The following ANO10 variants were observed in gnomAD, a reference collection of about 807,000 sequenced individuals.
ANO10 encodes the protein anoctamin 10, also known as anoctamin-10.
ANO10 carries 77 observed loss-of-function variants against 74.7 expected under a neutral mutation model. That is an observed-to-expected ratio of 1.03 (90% CI 0.86 to 1.25). The LOEUF is 1.25. ANO10 is among the 50% of genes most tolerant of loss of function. The pLI is 0.00. For missense variants in ANO10, 721 were observed against 778.1 expected (o/e 0.93, Z 0.87); for synonymous variants, 279 against 284.9 (o/e 0.98, Z 0.21).
chr3:43,590,297 T>A (rs1416405743), intron 4 of ANO10, among the ~76,000 whole-genome samples: 1 of 152,094 alleles, frequency 6.6e-6, no homozygotes, highest in African/African-American at 2.4e-5. Flanking sequence ...AAAATAATAA[T>A]TTATCCTAAG....
intron 1 of ANO10, among the ~76,000 whole-genome samples, chr3:43,617,014 T>C (rs530469581): frequency 1.3e-5 from 2 of 151,674 alleles, no homozygotes; most frequent in Admixed American, 1.3e-4. Flanking sequence ...CTCTCTTCTC[T>C]AATTAGCTGG....
At chr3:43,412,052 TTATA>T (rs1398250383) in intron 12 of ANO10, among the ~76,000 whole-genome samples, 1 of 148,010 alleles carries the variant, frequency 6.8e-6, no homozygotes, top group East Asian at 1.9e-4. Flanking sequence ...TGTAAATATA[TTATA>T]TATATGTATA....
chr3:43,598,399 A>G, intron 4 of ANO10, 133 bp downstream of exon 4: 1 of 878,644 alleles, frequency 1.1e-6, no homozygotes, highest in Non-Finnish European at 1.7e-6. Context: ...GAGGTTCCAA[A>G]GGGAAAAGAT....
chr3:43,409,652 C>T (rs535219463), intron 12 of ANO10, among the ~76,000 whole-genome samples: 2 of 152,290 alleles, frequency 1.3e-5, no homozygotes, highest in East Asian at 3.9e-4. Flanking sequence ...ATATAAAATA[C>T]AGTTCATGTT....
intron 11 of ANO10, among the ~76,000 whole-genome samples, chr3:43,502,942 G>T (rs2077152925): frequency 6.6e-6 from 1 of 152,090 alleles, no homozygotes; most frequent in African/African-American, 2.4e-5. Flanking sequence ...GGGATAATAG[G>T]GAGTTATTGT....
chr3:43,666,275 A>G (rs1364760694), intron 1 of ANO10, among the ~76,000 whole-genome samples: 1 of 152,186 alleles, frequency 6.6e-6, no homozygotes, highest in African/African-American at 2.4e-5. Flanking sequence ...AATTACAGTG[A>G]TGATTCAAAC....
rs140301420 is a variant in ANO10 at position 43,594,379 on chromosome 3, A to T, written c.472+4153T>A. Among the ~76,000 whole-genome samples, 1,371 of 152,312 alleles carry T rather than the reference A, an allele frequency of 9.0e-3. 15 individuals are homozygous for T. The highest frequency in any genetic ancestry group is 0.014 in the Middle Eastern group (4 of 292). ...GTCGGAAGTAAAGTACTCCTCAGCA[A>T]ATGAAAAAGAACAGAAATTATAAAA... On this transcript the variant is annotated intron_variant, in intron 4 of 12. Coordinates refer to ENST00000292246, the MANE Select transcript of ANO10 (RefSeq NM_018075.5).
chr3:43,403,985 C>G (rs749804093), intron 12 of ANO10, among the ~76,000 whole-genome samples: 34 of 152,216 alleles, frequency 2.2e-4, no homozygotes, highest in Non-Finnish European at 3.8e-4. Context: ...TTCTCATCAA[C>G]AGCATGTAGA....
chr3:43,646,268 G>A (rs1434172615), intron 1 of ANO10, among the ~76,000 whole-genome samples: 1 of 152,204 alleles, frequency 6.6e-6, no homozygotes, highest in Non-Finnish European at 1.5e-5. Flanking sequence ...GATTCGAGGA[G>A]TTCTAATTCC....
chr3:43,570,749 AT>A (rs1348392426), intron 7 of ANO10, among the ~76,000 whole-genome samples: 1 of 144,322 alleles, frequency 6.9e-6, no homozygotes, highest in African/African-American at 2.6e-5. Context: ...AAACCTAGGC[AT>A]TACCATTCAG....
At chr3:43,643,678 C>CTTTTTTTTTTT (rs1310556861) in intron 1 of ANO10, among the ~76,000 whole-genome samples, 4 of 133,624 alleles carry the variant, frequency 3.0e-5, no homozygotes, top group African/African-American at 9.3e-5. Context: ...TTGTCCTCAT[C>CTTTTTTTTTTT]TTTTCTTTTT....
intron 11 of ANO10, among the ~76,000 whole-genome samples, chr3:43,526,972 TAC>T (rs1296401875): frequency 6.6e-6 from 1 of 151,770 alleles, no homozygotes; most frequent in African/African-American, 2.4e-5. Context: ...TACATATATA[TAC>T]ACACACACAT....
intron 11 of ANO10, among the ~76,000 whole-genome samples, chr3:43,436,783 T>C (rs2093074429): frequency 6.6e-6 from 1 of 152,206 alleles, no homozygotes; most frequent in Admixed American, 6.5e-5. Flanking sequence ...CATTTTATTT[T>C]GCAAAAACTA....
At chr3:43,560,568 T>C (rs2079980439) in intron 9 of ANO10, among the ~76,000 whole-genome samples, 1 of 152,148 alleles carries the variant, frequency 6.6e-6, no homozygotes, top group Non-Finnish European at 1.5e-5. Context: ...TGCAGGATGT[T>C]AAGAAACAAT....
intron 6 of ANO10, 72 bp from the exon 7 acceptor site, chr3:43,574,936 G>A: frequency 8.0e-7 from 1 of 1,255,690 alleles, no homozygotes; most frequent in Non-Finnish European, 1.2e-6. Context: ...GAGGTAAAGT[G>A]AGTTGCATTG....
intron 12 of ANO10, among the ~76,000 whole-genome samples, chr3:43,383,691 G>C: frequency 6.6e-6 from 1 of 152,124 alleles, no homozygotes. Flanking sequence ...GATCATCTCA[G>C]TAGATGCAGA....
At chr3:43,566,692 C>T (rs1018878113) in intron 7 of ANO10, among the ~76,000 whole-genome samples, 1 of 152,164 alleles carries the variant, frequency 6.6e-6, no homozygotes, top group Non-Finnish European at 1.5e-5. Context: ...CTGTACATCA[C>T]CATCATCAAA....
chr3:43,409,480 T>G lies in ANO10; in HGVS notation c.1914+23131A>C, dbSNP rs111504229. Among the ~76,000 whole-genome samples, 103 of 151,562 alleles carry G rather than the reference T, an allele frequency of 6.8e-4. 2 individuals are homozygous for G. Among genetic ancestry groups the G allele is most frequent in the African/African-American group, 2.1e-3 (85 of 41,326 alleles). ...GATCGCTTGAGCCTGGGAAGCAGAG[T>G]TTGCAGTGAGCCAAGACTGCCCCAC... is the stretch of plus-strand genomic sequence containing the variant. On this transcript the variant is annotated intron_variant, in intron 12 of 12. Transcript: ENST00000292246.
chr3:43,658,797 A>G (rs1335667558), intron 1 of ANO10, among the ~76,000 whole-genome samples: 1 of 152,084 alleles, frequency 6.6e-6, no homozygotes, highest in East Asian at 1.9e-4. Flanking sequence ...TCTTTATGTA[A>G]GGTTCAAGAC....
Sources: gnomAD v4.1 joint callset for allele counts (sites outside exome capture counted in the v4.1 genomes callset) on GRCh38, gnomAD v4.1.1 for gene constraint, MANE v1.5 for transcripts, NCBI Gene and HGNC (gene_info 2026-07-23, HGNC 2026-07-21) for gene names.